The following SPHKAP variants were observed in gnomAD, a reference collection of about 807,000 sequenced individuals.
SPHKAP encodes A-kinase anchor protein SPHKAP.
In SPHKAP, 67 loss-of-function variants were observed where a neutral mutation model predicts 137.5. The observed-to-expected ratio is 0.49, with a 90% CI of 0.40 to 0.60. The LOEUF (loss-of-function observed/expected upper bound fraction) is 0.60. Ranked by LOEUF, SPHKAP falls within the 20% of genes least tolerant of loss-of-function variation. SPHKAP has a pLI of 0.00. For missense variants in SPHKAP, 2,097 were observed against 2,069.3 expected (o/e 1.01, Z -0.26); for synonymous variants, 813 against 785.3 (o/e 1.04, Z -0.59).
At chr2:228,130,082 G>A (rs913769680) in intron 2 of SPHKAP, among the ~76,000 whole-genome samples, 14 of 152,014 alleles carry the variant, frequency 9.2e-5, no homozygotes, top group Admixed American at 5.2e-4. Context: ...AGGCATGAGC[G>A]ACCGTGCCCA....
Position 228,016,853 on chromosome 2 carries a change from T to A in SPHKAP, c.4001A>T (p.Glu1334Val), listed in dbSNP as rs1332894388. The change falls in exon 7 of 12, where the codon GAG becomes GTG. Residue 1334 changes from glutamate to valine, a missense_variant. Physicochemically the swap from Glu to Val is moderately radical, Grantham distance 121. Coordinates refer to ENST00000392056, the MANE Select transcript of SPHKAP (RefSeq NM_001142644.2). ...CGAGGGAGAGCCACCAGAAACAGGC[T>A]CAGTGTCAGCTTCCTCTGCATCATC... is the stretch of plus-strand genomic sequence containing the variant. ...IVDDAEEADT[E>V]PVSGGSPSQA... is the part of the protein sequence containing the mutation. 1 of 1,614,046 alleles carries A rather than the reference T, an allele frequency of 6.2e-7. No homozygotes were observed. The highest frequency in any genetic ancestry group is 1.7e-5 in the Admixed American group (1 of 60,010).
At chr2:228,142,824 C>T (rs114543226) in intron 1 of SPHKAP, among the ~76,000 whole-genome samples, 175 of 152,186 alleles carry the variant, frequency 1.1e-3, no homozygotes, top group African/African-American at 3.7e-3. Context: ...ATATAACAAA[C>T]CTTCACATGT....
At chr2:228,167,173 A>C (rs915006277) in intron 1 of SPHKAP, among the ~76,000 whole-genome samples, 10 of 152,224 alleles carry the variant, frequency 6.6e-5, no homozygotes, top group Admixed American at 5.9e-4. Context: ...AATTGTGATA[A>C]CAACTTCTCT....
chr2:228,001,422 T>G (rs1329480151), intron 7 of SPHKAP, among the ~76,000 whole-genome samples: 1 of 140,244 alleles, frequency 7.1e-6, no homozygotes, highest in Non-Finnish European at 1.5e-5. Flanking sequence ...TATATAAATA[T>G]ATACATATAT....
chr2:228,028,471 T>C (rs1187458017), intron 3 of SPHKAP, among the ~76,000 whole-genome samples: 1 of 152,198 alleles, frequency 6.6e-6, no homozygotes, highest in Non-Finnish European at 1.5e-5. Context: ...CAGTGAAACA[T>C]TGTTATAAAG....
chr2:228,025,652 A>C, intron 4 of SPHKAP, 124 bp from the exon 5 acceptor site: 1 of 1,147,374 alleles, frequency 8.7e-7, no homozygotes. Context: ...TAATCTACCA[A>C]GATTCTTACT....
At chr2:228,162,043 G>A (rs1427251204) in intron 1 of SPHKAP, among the ~76,000 whole-genome samples, 1 of 152,176 alleles carries the variant, frequency 6.6e-6, no homozygotes, top group Non-Finnish European at 1.5e-5. Context: ...AAAATAGAAG[G>A]CATTTACCAA....
chr2:228,014,326 A>G (rs1694486838), intron 7 of SPHKAP, among the ~76,000 whole-genome samples: 1 of 152,240 alleles, frequency 6.6e-6, no homozygotes, highest in African/African-American at 2.4e-5. Context: ...GGTTAAGGGA[A>G]TTCTAAAGAA....
At chr2:228,070,440 A>G (rs73096667) in intron 3 of SPHKAP, among the ~76,000 whole-genome samples, 2,801 of 152,014 alleles carry the variant, frequency 0.018, 84 homozygotes, top group African/African-American at 0.062. Flanking sequence ...TGACCTATTC[A>G]CTTTTTCATT....
At chr2:228,042,114 A>C (rs924670522) in intron 3 of SPHKAP, among the ~76,000 whole-genome samples, 7 of 152,210 alleles carry the variant, frequency 4.6e-5, no homozygotes, top group Non-Finnish European at 8.8e-5. Context: ...GTGCAAACAA[A>C]CAAACAACCA....
At chr2:228,057,260 A>G (rs1469547276) in intron 3 of SPHKAP, among the ~76,000 whole-genome samples, 3 of 152,222 alleles carry the variant, frequency 2.0e-5, no homozygotes, top group South Asian at 2.1e-4. Context: ...CTTATCTATT[A>G]TGAACTGAAA....
rs1022475714 is a variant in SPHKAP at position 228,181,157 on chromosome 2, G to T, written c.32+410C>A. Among the ~76,000 whole-genome samples, 1 of 152,154 alleles carries T rather than the reference G, an allele frequency of 6.6e-6. No individual in the cohort carries two copies. Among genetic ancestry groups the T allele is most frequent in the African/African-American group, 2.4e-5 (1 of 41,438 alleles). On this transcript the variant is annotated intron_variant, in intron 1 of 11. Transcript: ENST00000392056. The surrounding 1 kb of genome is among the most constrained non-coding windows in gnomAD (Gnocchi z 4.3). ...AGGTCAAGGTGGAAGGAAAGCGGGGGTACTTTGCCCTAGCCCGGTTCCCTC... is the reference window on the plus strand; with the variant it reads ...AGGTCAAGGTGGAAGGAAAGCGGGGTTACTTTGCCCTAGCCCGGTTCCCTC...
At chr2:228,028,086 C>T in intron 3 of SPHKAP, 1 of 984,600 alleles carries the variant, frequency 1.0e-6, no homozygotes, top group Non-Finnish European at 1.2e-6. Context: ...CCTTTCATGG[C>T]CCAACATACT....
chr2:228,080,832 T>C (rs752959995), intron 3 of SPHKAP, among the ~76,000 whole-genome samples: 13 of 152,070 alleles, frequency 8.5e-5, no homozygotes, highest in Non-Finnish European at 1.8e-4. Context: ...GAATGGCTAT[T>C]ATCAAAAAGA....
At chr2:228,160,304 T>C (rs1055193342) in intron 1 of SPHKAP, among the ~76,000 whole-genome samples, 11 of 152,234 alleles carry the variant, frequency 7.2e-5, no homozygotes, top group African/African-American at 2.2e-4. Context: ...TAAACTTTTA[T>C]ATACCAATTG....
chr2:228,022,035 C>T (rs1033190679), intron 5 of SPHKAP, 69 bp from the exon 6 acceptor site: 7 of 1,475,438 alleles, frequency 4.7e-6, no homozygotes, highest in Middle Eastern at 1.8e-4. Flanking sequence ...TCTGAGCTTT[C>T]CTTTTCCACC....
chr2:228,173,617 G>A (rs535567419), intron 1 of SPHKAP, among the ~76,000 whole-genome samples: 8 of 152,136 alleles, frequency 5.3e-5, no homozygotes, highest in South Asian at 4.2e-4. Flanking sequence ...AGCAGCCTCC[G>A]GGAGCTGGAA....
rs780067739 is a variant in SPHKAP, at chr2:228,016,621, A to G, written c.4233T>C (p.Pro1411=). 5 of 1,613,824 alleles carry G rather than the reference A, an allele frequency of 3.1e-6. No homozygotes were observed. In the South Asian group the frequency reaches 4.4e-5, roughly 14 times the overall value. Residue 1411 remains proline (P), a synonymous_variant, in exon 7 of 12, where the codon CCT becomes CCC. Coordinates refer to ENST00000392056, the MANE Select transcript of SPHKAP (RefSeq NM_001142644.2). ...ATCGCCTTTTGTGGTTTATTGGTAC[A>G]GGGTCCTGGCACGAGGAAGTTTCTT... ...SKKETSSCQD[P]VPINHKRRSL... is the part of the protein sequence containing the mutation.
In SPHKAP at chr2:228,033,555, C is replaced by A. The variant is rs553560453; in HGVS notation, c.247-6012G>T. Among the ~76,000 whole-genome samples, 3 of 152,288 alleles carry A rather than the reference C, an allele frequency of 2.0e-5. No homozygotes were observed. The East Asian group carries it at 5.8e-4, about 29-fold the overall frequency. On this transcript the variant is annotated intron_variant, in intron 3 of 11. Coordinates refer to ENST00000392056, the MANE Select transcript of SPHKAP (RefSeq NM_001142644.2). ...TAATAGACATCTAGAGAAGTCTCCA[C>A]CCCAAATCAATAGAATATACATTGT...
Sources: allele counts gnomAD v4.1 joint callset (sites outside exome capture counted in the v4.1 genomes callset), GRCh38; gene constraint gnomAD v4.1.1; non-coding constraint Gnocchi (gnomAD v3.1); transcripts MANE v1.5; gene names NCBI Gene and HGNC (gene_info 2026-07-23, HGNC 2026-07-21).